Variants in EGFLAM observed in about 807,000 individuals in gnomAD.
The protein encoded by EGFLAM is pikachurin.
EGFLAM carries 79 observed loss-of-function variants against 113.1 expected under a neutral mutation model. The ratio of observed to expected loss-of-function variants is 0.70; its 90% CI spans 0.58 to 0.84. The LOEUF (loss-of-function observed/expected upper bound fraction) is 0.84. Among genes scored for constraint, EGFLAM ranks in the 40% least tolerant of loss-of-function variants. The pLI is 0.00. For synonymous variants in EGFLAM, 504 were observed against 487.6 expected (o/e 1.03, Z -0.44); for missense variants, 1,265 against 1,291.6 (o/e 0.98, Z 0.32).
At chr5:38,375,857 A>C (rs1164685607) in intron 6 of EGFLAM, among the ~76,000 whole-genome samples, 1 of 152,162 alleles carries the variant, frequency 6.6e-6, no homozygotes. Context: ...CAGGAAGAAA[A>C]AAAAATGACT....
chr5:38,375,650 T>G (rs938457792), intron 6 of EGFLAM, among the ~76,000 whole-genome samples: 1 of 152,214 alleles, frequency 6.6e-6, no homozygotes. Flanking sequence ...TATTAGCAAC[T>G]TAATTGCTTA....
intron 19 of EGFLAM, among the ~76,000 whole-genome samples, chr5:38,456,383 A>G (rs541009709): frequency 1.3e-5 from 2 of 152,260 alleles, no homozygotes; most frequent in South Asian, 4.1e-4. Flanking sequence ...ACGGCCATAG[A>G]TAGTAATTCA....
intron 1 of EGFLAM, among the ~76,000 whole-genome samples, chr5:38,293,600 C>T (rs1758388998): frequency 6.6e-6 from 1 of 152,072 alleles, no homozygotes; most frequent in Admixed American, 6.6e-5. Flanking sequence ...TACTAGTTCC[C>T]CAAAGTATAT....
rs753721418 is a variant in EGFLAM, at chr5:38,463,862, A to G, written c.2906A>G (p.Asn969Ser). Reference sequence around the variant, plus strand: ...ATGAAGGAAATTGCTCTGCACACTAACAGGCAATATATGAGAGGGCTCGTG... The same window carrying G: ...ATGAAGGAAATTGCTCTGCACACTAGCAGGCAATATATGAGAGGGCTCGTG... ...GGMKEIALHT[N>S]RQYMRGLVGC... The change falls in exon 22 of 22, where the codon AAC becomes AGC. Residue 969 changes from asparagine to serine, a missense_variant. Coordinates refer to ENST00000322350, the MANE Select transcript of EGFLAM (RefSeq NM_152403.4). 5 of 1,613,968 alleles carry G rather than the reference A, an allele frequency of 3.1e-6. No individual in the cohort carries two copies. The highest frequency in any genetic ancestry group is 4.2e-6 in the Non-Finnish European group (5 of 1,180,030).
At position 38,361,384 on chromosome 5, in the gene EGFLAM, T is replaced by G. The variant is rs1311779493; in HGVS notation, c.546-8912T>G. Reference sequence around the variant, plus strand: ...TGTAGTTAATTACTTCTTCAAGGTCTGTCTTCCTCTTGGAACATGAATGCA... The same window carrying G: ...TGTAGTTAATTACTTCTTCAAGGTCGGTCTTCCTCTTGGAACATGAATGCA... On this transcript the variant is annotated intron_variant, in intron 5 of 21. Transcript: ENST00000322350. 2.0e-5 allele frequency among the ~76,000 whole-genome samples: 3 copies of G among 152,346 alleles called. No individual in the cohort carries two copies. In the East Asian group the frequency reaches 5.8e-4, roughly 29 times the overall value.
chr5:38,261,076 C>T (rs931403828), intron 1 of EGFLAM, among the ~76,000 whole-genome samples: 5 of 152,124 alleles, frequency 3.3e-5, no homozygotes, highest in African/African-American at 1.2e-4. Flanking sequence ...TCCTCATACT[C>T]CTAAATCTAC....
chr5:38,443,921 C>T (rs1742627456), intron 17 of EGFLAM, among the ~76,000 whole-genome samples: 1 of 152,056 alleles, frequency 6.6e-6, no homozygotes, highest in Non-Finnish European at 1.5e-5. Flanking sequence ...CAGGCATGCC[C>T]TACCATGCCT....
At position 38,407,116 on chromosome 5, in the gene EGFLAM, C is replaced by T. The variant is rs1183925362; in HGVS notation, c.1117C>T (p.Leu373=). The change falls in exon 8 of 22, where the codon CTG becomes TTG. Residue 373 remains leucine, a synonymous_variant. Transcript: ENST00000322350. ...GGGGGGCTCGCGATGCCAGTGCACC[C>T]TGGGCAAAGGTGGTGAGAGCTGCTC... ...TWGGSRCQCT[L]GKGGESCSED... is the part of the protein sequence containing the mutation. 1 of 1,613,996 alleles carries T rather than the reference C, an allele frequency of 6.2e-7. No individual in the cohort carries two copies. The highest frequency in any genetic ancestry group is 1.1e-5 in the South Asian group (1 of 91,074).
At chr5:38,344,340 G>A (rs866519817) in intron 3 of EGFLAM, among the ~76,000 whole-genome samples, 1 of 152,108 alleles carries the variant, frequency 6.6e-6, no homozygotes. Flanking sequence ...ACAAAAATTA[G>A]CCAGGCATGG....
intron 5 of EGFLAM, among the ~76,000 whole-genome samples, chr5:38,369,607 A>G (rs1579830162): frequency 6.6e-6 from 1 of 152,168 alleles, no homozygotes; most frequent in Non-Finnish European, 1.5e-5. Flanking sequence ...CATTTTACAG[A>G]TGGGAAAACT....
At chr5:38,368,391 A>G (rs1039316058) in intron 5 of EGFLAM, among the ~76,000 whole-genome samples, 33 of 152,166 alleles carry the variant, frequency 2.2e-4, no homozygotes, top group Non-Finnish European at 1.0e-4. Context: ...TGCTTTTCCA[A>G]ACACGTTAAC....
At chr5:38,314,962 A>T (rs1738552701) in intron 1 of EGFLAM, among the ~76,000 whole-genome samples, 1 of 152,226 alleles carries the variant, frequency 6.6e-6, no homozygotes, top group Non-Finnish European at 1.5e-5. Context: ...ATGACAAAAA[A>T]ATCCTTGTCA....
chr5:38,406,271 G>C (rs1423623672), intron 7 of EGFLAM, 30 bp downstream of exon 7: 1 of 1,592,486 alleles, frequency 6.3e-7, no homozygotes, highest in East Asian at 2.2e-5. Flanking sequence ...TTAAAACCCA[G>C]GGTGTTTGTG....
chr5:38,443,933 G>C (rs1742627862), intron 17 of EGFLAM, among the ~76,000 whole-genome samples: 1 of 151,982 alleles, frequency 6.6e-6, no homozygotes, highest in Non-Finnish European at 1.5e-5. Flanking sequence ...ACCATGCCTG[G>C]CTAATTTTTG....
intron 1 of EGFLAM, among the ~76,000 whole-genome samples, chr5:38,293,431 C>T (rs1758384143): frequency 6.6e-6 from 1 of 152,186 alleles, no homozygotes; most frequent in South Asian, 2.1e-4. Context: ...GGCTTTAAAA[C>T]AATGATCAAT....
chr5:38,362,846 G>A (rs765714532), intron 5 of EGFLAM, among the ~76,000 whole-genome samples: 4 of 152,170 alleles, frequency 2.6e-5, no homozygotes, highest in Non-Finnish European at 4.4e-5. Context: ...AATTGATCCC[G>A]TAAAGCTTCA....
In EGFLAM at chr5:38,299,313, C is replaced by G. The variant is rs750458082; in HGVS notation, c.98-38207C>G. 2.4e-4 allele frequency among the ~76,000 whole-genome samples: 36 copies of G among 152,124 alleles called. 1 individual carries two copies. The highest frequency in any genetic ancestry group is 6.2e-4 in the South Asian group (3 of 4,826). ...CTTGTTCTCATTTACCTAAAAGTAT[C>G]CATGTATTATGTGGCTTACATATAG... is the stretch of plus-strand genomic sequence containing the variant. On this transcript the variant is annotated intron_variant, in intron 1 of 21. Transcript: ENST00000322350.
At chr5:38,410,002 AC>A (rs1741426978) in intron 10 of EGFLAM, among the ~76,000 whole-genome samples, 1 of 151,738 alleles carries the variant, frequency 6.6e-6, no homozygotes, top group Non-Finnish European at 1.5e-5. Context: ...AATGGCACCA[AC>A]CCCCTGCTGC....
chr5:38,400,431 A>T (rs183558531), intron 6 of EGFLAM, among the ~76,000 whole-genome samples: 1 of 152,300 alleles, frequency 6.6e-6, no homozygotes, highest in African/African-American at 2.4e-5. Flanking sequence ...CCTAATTAAC[A>T]AAGTACCAAG....
Sources: gnomAD v4.1 joint callset for allele counts (sites outside exome capture counted in the v4.1 genomes callset) on GRCh38, gnomAD v4.1.1 for gene constraint, MANE v1.5 for transcripts, NCBI Gene and HGNC (gene_info 2026-07-23, HGNC 2026-07-21) for gene names.